Variants in OAS2 observed in about 807,000 individuals in gnomAD.
The protein encoded by OAS2 is 2'-5'-oligoadenylate synthetase 2.
OAS2 carries 67 observed loss-of-function variants against 71.3 expected under a neutral mutation model. The observed-to-expected ratio is 0.94, with a 90% CI of 0.77 to 1.15. The LOEUF is 1.15. Among genes scored for constraint, OAS2 ranks in the 50% most tolerant of loss-of-function variants. OAS2 has a pLI of 0.00. For missense variants in OAS2, 789 were observed against 822.5 expected (o/e 0.96, Z 0.50); for synonymous variants, 327 against 321.8 (o/e 1.02, Z -0.17).
At chr12:112,984,095 A>G (rs1320151889) in intron 1 of OAS2, among the ~76,000 whole-genome samples, 1 of 152,218 alleles carries the variant, frequency 6.6e-6, no homozygotes, top group Non-Finnish European at 1.5e-5. Context: ...TGTCTACGTG[A>G]TCTGCCCAAT....
chr12:112,984,673 C>G (rs192328798), intron 1 of OAS2, among the ~76,000 whole-genome samples: 117 of 152,084 alleles, frequency 7.7e-4, no homozygotes, highest in Non-Finnish European at 8.8e-5. Flanking sequence ...CCTACCTTTC[C>G]AATTGTTGGG....
rs545280502 is a variant in OAS2, at chr12:112,986,828, C to T, written c.178-210C>T. Among the ~76,000 whole-genome samples, 15 of 152,280 alleles carry T rather than the reference C, an allele frequency of 9.9e-5. 1 individual carries two copies. The highest frequency in any genetic ancestry group is 2.1e-4 in the South Asian group (1 of 4,822). On this transcript the variant is annotated intron_variant, in intron 1 of 9. Coordinates refer to ENST00000392583, the MANE Select transcript of OAS2 (RefSeq NM_002535.3). ...CAGTTCAATCCGTTTCTATTGCCAGCGGCCATTTGAGTCACCTCCAGGTTG... is the reference window on the plus strand; with the variant it reads ...CAGTTCAATCCGTTTCTATTGCCAGTGGCCATTTGAGTCACCTCCAGGTTG...
chr12:113,006,282 T>C, intron 7 of OAS2, 131 bp from the exon 8 acceptor site: 1 of 701,810 alleles, frequency 1.4e-6, no homozygotes, highest in East Asian at 2.8e-5. Flanking sequence ...GTCTTAGACA[T>C]CAGTCTTTTA....
rs2044122494 is a variant in OAS2 at position 112,985,210 on chromosome 12, CGTTTTCA to C, written c.178-1826_178-1820del. ...TCTAAATCTCTTGTAAGACATGGGACGTTTTCAGCTATTACTTCATTAAATAGATTTT... is the reference window on the plus strand; with the variant it reads ...TCTAAATCTCTTGTAAGACATGGGACGCTATTACTTCATTAAATAGATTTT... On this transcript the variant is annotated intron_variant, in intron 1 of 9. Transcript: ENST00000392583. 2.7e-5 allele frequency among the ~76,000 whole-genome samples: 4 copies of C among 149,732 alleles called. No homozygotes were observed. In the South Asian group the frequency reaches 8.8e-4, roughly 33 times the overall value.
intron 5 of OAS2, among the ~76,000 whole-genome samples, chr12:113,002,413 C>T (rs2044297539): frequency 6.6e-6 from 1 of 152,182 alleles, no homozygotes; most frequent in African/African-American, 2.4e-5. Flanking sequence ...TTTTAAGCCA[C>T]CTAGTTGTGG....
At chr12:112,980,382 C>A (rs957255210) in intron 1 of OAS2, among the ~76,000 whole-genome samples, 48 of 152,146 alleles carry the variant, frequency 3.2e-4, no homozygotes, top group Non-Finnish European at 6.5e-4. Context: ...TATCCATTAA[C>A]CAACTTCTCT....
intron 1 of OAS2, among the ~76,000 whole-genome samples, chr12:112,979,972 G>A (rs1318249838): frequency 3.3e-5 from 5 of 152,164 alleles, no homozygotes; most frequent in Non-Finnish European, 7.3e-5. Context: ...TACATAAATG[G>A]CATCATGGGC....
intron 2 of OAS2, among the ~76,000 whole-genome samples, chr12:112,990,325 T>G (rs2044180018): frequency 1.3e-5 from 2 of 152,186 alleles, no homozygotes; most frequent in Non-Finnish European, 2.9e-5. Flanking sequence ...ACATAAGATG[T>G]GCATTGATTC....
intron 4 of OAS2, 58 bp from the exon 5 acceptor site, chr12:112,998,208 A>T: frequency 6.3e-7 from 1 of 1,578,338 alleles, no homozygotes; most frequent in Non-Finnish European, 8.6e-7. Flanking sequence ...TCCCCAAAAC[A>T]GATTTTGCCT....
chr12:113,009,284 A>G lies in OAS2; in HGVS notation c.*29A>G. The G allele has an allele frequency of 6.2e-7, 1 of 1,608,160 alleles. No homozygotes were observed. On this transcript the variant is annotated 3_prime_UTR_variant, in exon 10 of 10. Coordinates refer to ENST00000392583, the MANE Select transcript of OAS2 (RefSeq NM_002535.3). ...AGGCGTTGTCTGGAAATAGCCCTGT[A>G]ACAGGCTTGAATCAAAGAACTTCTC...
In OAS2 at chr12:113,003,193, A is replaced by T. The variant is rs550386906; in HGVS notation, c.1179+91A>T. The stretch of plus-strand genomic sequence containing the variant: ...TAAGTGGGCATTGTAGCTCTCCAGG[A>T]TCCATCTACCTTCAGAAACTTGAGG... On this transcript the variant is annotated intron_variant, in intron 6 of 9. Transcript: ENST00000392583. The T allele has an allele frequency of 9.6e-6, 13 of 1,347,680 alleles. No homozygotes were observed. In the South Asian group the frequency reaches 1.7e-4, roughly 18 times the overall value. The allele number at this position is 1,347,680 out of a possible 1,614,324, so 83.5% of individuals were successfully genotyped here.
At position 112,997,862 on chromosome 12, in the gene OAS2, G is replaced by T. The variant is rs1406999958; in HGVS notation, c.863+107G>T. On this transcript the variant is annotated intron_variant, in intron 4 of 9. Transcript: ENST00000392583. The stretch of plus-strand genomic sequence containing the variant: ...GCCCTATCAAGCCAGTGCTGGACCA[G>T]AAGAATGGCAGCCACCATGGGTGGG... 6.5e-6 allele frequency: 6 copies of T among 927,262 alleles called. No homozygotes were observed. In the African/African-American group the frequency reaches 1.0e-4, roughly 16 times the overall value. 57.4% of individuals were successfully genotyped at this position (927,262 alleles called of 1,614,324 possible).
chr12:113,008,075 C>A, intron 9 of OAS2, 132 bp downstream of exon 9: 1 of 709,322 alleles, frequency 1.4e-6, no homozygotes, highest in Non-Finnish European at 2.5e-6. Context: ...CCAACAGAAC[C>A]TGTCACAGTC....
In OAS2 at chr12:112,991,103, T is replaced by A. The variant is rs144233403; in HGVS notation, c.448+3795T>A. ...CTAACTCTCTATGCTTCAGCCACTC[T>A]GGCCTTCCCTGAGCTCCTCAAACCC... On this transcript the variant is annotated intron_variant, in intron 2 of 9. Coordinates refer to ENST00000392583, the MANE Select transcript of OAS2 (RefSeq NM_002535.3). Among the ~76,000 whole-genome samples, 5 of 152,354 alleles carry A rather than the reference T, an allele frequency of 3.3e-5. No homozygotes were observed. In the East Asian group the frequency reaches 9.6e-4, roughly 29 times the overall value.
intron 9 of OAS2, 50 bp downstream of exon 9, chr12:113,007,993 C>T: frequency 7.6e-7 from 1 of 1,320,962 alleles, no homozygotes; most frequent in Non-Finnish European, 1.1e-6. Flanking sequence ...CCCTTGAACA[C>T]TGTCTCAGCA....
intron 4 of OAS2, 115 bp from the exon 5 acceptor site, chr12:112,998,151 T>A (rs2136388056): frequency 8.8e-7 from 1 of 1,142,578 alleles, no homozygotes; most frequent in East Asian, 2.5e-5. Context: ...TTGGAGGAGC[T>A]GCAGGAATCC....
At chr12:112,980,776 T>C (rs1216594385) in intron 1 of OAS2, among the ~76,000 whole-genome samples, 1 of 152,140 alleles carries the variant, frequency 6.6e-6, no homozygotes, top group East Asian at 1.9e-4. Context: ...CCATTTTTAT[T>C]TTTTTTAGAA....
chr12:113,001,887 A>AAAAAAT lies in OAS2; in HGVS notation c.1009-1044_1009-1043insAAAATA, dbSNP rs56814612. On this transcript the variant is annotated intron_variant, in intron 5 of 9. Transcript: ENST00000392583. The stretch of plus-strand genomic sequence containing the variant: ...ACAAAAAAAAAAAAAAAAAAAAAAA[A>AAAAAAT]AGCTAGGCGTGGTGGCACAAACCTG... Among the ~76,000 whole-genome samples the AAAAAAT allele has an allele frequency of 4.7e-4, 52 of 110,702 alleles. 3 individuals carry two copies. Among genetic ancestry groups the AAAAAAT allele is most frequent in the African/African-American group, 7.3e-4 (19 of 25,924 alleles). The allele number at this position is 110,702 out of a possible 152,430, so 72.6% of individuals were successfully genotyped here. A position where few individuals can be genotyped will look rare whatever the true frequency, so the allele number is the denominator to read the frequency against.
At chr12:113,006,378 A>G in intron 7 of OAS2, 35 bp from the exon 8 acceptor site, 1 of 1,496,458 alleles carries the variant, frequency 6.7e-7, no homozygotes, top group Non-Finnish European at 9.0e-7. Flanking sequence ...TACTATGTGT[A>G]TTAAAGCAGG....
Sources: allele counts gnomAD v4.1 joint callset (sites outside exome capture counted in the v4.1 genomes callset), GRCh38; gene constraint gnomAD v4.1.1; transcripts MANE v1.5; gene names NCBI Gene and HGNC (gene_info 2026-07-23, HGNC 2026-07-21).